Variants in ANKS1A observed in about 807,000 individuals in gnomAD.
ANKS1A encodes the protein ankyrin repeat and sterile alpha motif domain containing 1A, also known as ankyrin repeat and SAM domain-containing protein 1A.
ANKS1A carries 55 observed loss-of-function variants against 120.3 expected under a neutral mutation model. That is an observed-to-expected ratio of 0.46 (90% CI 0.37 to 0.57). ANKS1A has a LOEUF of 0.57. Ranked by LOEUF, ANKS1A falls within the 20% of genes least tolerant of loss-of-function variation. ANKS1A has a pLI of 0.00. For missense variants in ANKS1A, 1,123 were observed against 1,480.3 expected (o/e 0.76, Z 3.96); for synonymous variants, 590 against 604.7 (o/e 0.98, Z 0.36).
chr6:35,084,059 G>A lies in ANKS1A; in HGVS notation c.2995-62G>A, dbSNP rs1281138329. 1 of 1,601,530 alleles carries A rather than the reference G, an allele frequency of 6.2e-7. No homozygotes were observed. The highest frequency in any genetic ancestry group is 1.3e-5 in the African/African-American group (1 of 74,840). On this transcript the variant is annotated intron_variant, in intron 20 of 23. Coordinates refer to ENST00000360359, the MANE Select transcript of ANKS1A (RefSeq NM_015245.3). This position sits in a 1 kb window ranked among gnomAD's most constrained non-coding sequence, Gnocchi z 4.8. ...AACAGTGACAATGGTAACAGGCTGG[G>A]GCAGGGGGTGCCAGAGGCATGCCTG... is the stretch of plus-strand genomic sequence containing the variant.
At position 34,982,138 on chromosome 6, in the gene ANKS1A, T is replaced by G; in HGVS notation, c.732+152T>G. On this transcript the variant is annotated intron_variant, in intron 4 of 23. Transcript: ENST00000360359. This position sits in a 1 kb window ranked among gnomAD's most constrained non-coding sequence, Gnocchi z 4.9. ...TTGCCGACTCATTCTAATGTGACACTAAGAAACAAATGAACTCCTCAAGCA... is the reference window on the plus strand; with the variant it reads ...TTGCCGACTCATTCTAATGTGACACGAAGAAACAAATGAACTCCTCAAGCA... 1 of 1,013,960 alleles carries G rather than the reference T, an allele frequency of 9.9e-7. No homozygotes were observed. The highest frequency in any genetic ancestry group is 1.4e-6 in the Non-Finnish European group (1 of 711,414). The allele number at this position is 1,013,960 out of a possible 1,614,324, so 62.8% of individuals were successfully genotyped here. A position where few individuals can be genotyped will look rare whatever the true frequency, so the allele number is the denominator to read the frequency against.
intron 3 of ANKS1A, among the ~76,000 whole-genome samples, chr6:34,979,961 T>TA (rs1285208617): frequency 6.6e-6 from 1 of 152,196 alleles, no homozygotes; most frequent in Non-Finnish European, 1.5e-5. Context: ...AATGTTGGGT[T>TA]AAAAAAGAGA....
chr6:35,079,540 A>C lies in ANKS1A; in HGVS notation c.2308A>C (p.Asn770His). The C allele has an allele frequency of 6.2e-7, 1 of 1,613,644 alleles. No homozygotes were observed. Among genetic ancestry groups the C allele is most frequent in the Non-Finnish European group, 8.5e-7 (1 of 1,179,724 alleles). The change falls in exon 15 of 24, where the codon AAC (asparagine) becomes CAC (histidine). Residue 770 changes from asparagine to histidine, a missense_variant. Transcript: ENST00000360359. ...PKVKALGYDG[N>H]SPPSVPSWLD... is the part of the protein sequence containing the mutation. ...GGTGAAGGCTCTGGGTTATGACGGG[A>C]ACAGCCCCCCTAGCGTGCCCTCCTG...
At chr6:35,064,899 G>A (rs181491677) in intron 13 of ANKS1A, among the ~76,000 whole-genome samples, 211 of 152,348 alleles carry the variant, frequency 1.4e-3, no homozygotes, top group Non-Finnish European at 2.5e-3. Flanking sequence ...AGGATCAGTG[G>A]AGCTGAGGCT....
chr6:34,995,982 GTTTAAC>G (rs1481512618), intron 10 of ANKS1A, among the ~76,000 whole-genome samples: 2 of 152,148 alleles, frequency 1.3e-5, no homozygotes, highest in African/African-American at 2.4e-5. Flanking sequence ...TATATAATAT[GTTTAAC>G]TTTATAGGAA....
At chr6:35,049,008 G>A (rs1304218596) in intron 11 of ANKS1A, among the ~76,000 whole-genome samples, 1 of 152,232 alleles carries the variant, frequency 6.6e-6, no homozygotes, top group Non-Finnish European at 1.5e-5. Context: ...TGCCCTCTGT[G>A]GGCAGTTTGG....
At chr6:35,068,693 G>A (rs1161951352) in intron 13 of ANKS1A, among the ~76,000 whole-genome samples, 1 of 152,198 alleles carries the variant, frequency 6.6e-6, no homozygotes, top group Admixed American at 6.5e-5. Context: ...GGAGAGGCTG[G>A]AGGGCTGCAG....
At chr6:35,012,128 G>C (rs1030575318) in intron 10 of ANKS1A, among the ~76,000 whole-genome samples, 1 of 152,104 alleles carries the variant, frequency 6.6e-6, no homozygotes, top group East Asian at 1.9e-4. Context: ...TTTAATCACA[G>C]ATTCAAACTA....
At chr6:35,022,454 G>C (rs1289544190) in intron 11 of ANKS1A, among the ~76,000 whole-genome samples, 1 of 152,138 alleles carries the variant, frequency 6.6e-6, no homozygotes, top group Non-Finnish European at 1.5e-5. Context: ...AAGATGGCCT[G>C]GTTAAGGTAA....
chr6:35,078,775 C>T, intron 14 of ANKS1A, 119 bp downstream of exon 14: 1 of 856,806 alleles, frequency 1.2e-6, no homozygotes, highest in Non-Finnish European at 1.8e-6. Context: ...CATAGCAGGA[C>T]CTCTACCCCT....
intron 1 of ANKS1A, among the ~76,000 whole-genome samples, chr6:34,946,299 A>C (rs542261096): frequency 1.3e-5 from 2 of 150,642 alleles, no homozygotes; most frequent in South Asian, 4.4e-4. Flanking sequence ...TTTTTACAAA[A>C]TTTTGGGGCT....
chr6:35,039,332 G>T (rs916012897), intron 11 of ANKS1A, among the ~76,000 whole-genome samples: 2 of 151,278 alleles, frequency 1.3e-5, no homozygotes, highest in Non-Finnish European at 1.5e-5. Flanking sequence ...CTGAGTAGCT[G>T]GGTTACATGC....
chr6:35,095,692 T>A (rs1581779665), downstream of ANKS1A, among the ~76,000 whole-genome samples: 1 of 139,390 alleles, frequency 7.2e-6, no homozygotes, highest in African/African-American at 2.7e-5. Context: ...CATGCATAAA[T>A]GCCTGGTAAC....
chr6:34,923,952 AGAG>A (rs1768570616), intron 1 of ANKS1A, among the ~76,000 whole-genome samples: 1 of 152,198 alleles, frequency 6.6e-6, no homozygotes, highest in African/African-American at 2.4e-5. Context: ...GTCGTCTTAC[AGAG>A]GCAGGGGCTC....
At position 35,057,279 on chromosome 6, in the gene ANKS1A, C is replaced by T. The variant is rs924224517; in HGVS notation, c.2078-2868C>T. Among the ~76,000 whole-genome samples, 2 of 152,172 alleles carry T rather than the reference C, an allele frequency of 1.3e-5. No homozygotes were observed. Among genetic ancestry groups the T allele is most frequent in the Non-Finnish European group, 2.9e-5 (2 of 68,032 alleles). ...TCATCCCTGTGCCAACTCCCATTCTCAGGAGTCCAGGAGGGTATGCCTTCC... is the reference window on the plus strand; with the variant it reads ...TCATCCCTGTGCCAACTCCCATTCTTAGGAGTCCAGGAGGGTATGCCTTCC... On this transcript the variant is annotated intron_variant, in intron 12 of 23. Transcript: ENST00000360359. The surrounding 1 kb of genome is among the most constrained non-coding windows in gnomAD (Gnocchi z 4.1).
At chr6:35,097,481 C>A in the ANKS1A span, among the ~76,000 whole-genome samples, 2 of 151,250 alleles carry the variant, frequency 1.3e-5, no homozygotes, top group Non-Finnish European at 2.9e-5. Context: ...TGCACTCCAG[C>A]CTGGGTGACA....
chr6:35,093,994 T>G (rs1778386503), downstream of ANKS1A, among the ~76,000 whole-genome samples: 1 of 152,080 alleles, frequency 6.6e-6, no homozygotes. Context: ...TGGGAGTCAG[T>G]GGAAACTACA....
intron 9 of ANKS1A, 84 bp downstream of exon 9, chr6:34,989,400 T>C: frequency 8.0e-7 from 1 of 1,246,506 alleles, no homozygotes; most frequent in South Asian, 1.3e-5. Context: ...AAGACTTTGC[T>C]TTCTCATCTT....
intron 13 of ANKS1A, among the ~76,000 whole-genome samples, chr6:35,064,132 G>C (rs1297962237): frequency 1.3e-5 from 2 of 152,166 alleles, no homozygotes; most frequent in Non-Finnish European, 1.5e-5. Flanking sequence ...AGAGTCCCAA[G>C]GTCTCTGAGC....
Sources: allele counts gnomAD v4.1 joint callset (sites outside exome capture counted in the v4.1 genomes callset), GRCh38; gene constraint gnomAD v4.1.1; non-coding constraint Gnocchi (gnomAD v3.1); transcripts MANE v1.5; gene names NCBI Gene and HGNC (gene_info 2026-07-23, HGNC 2026-07-21).